Variants in CAMTA1 observed in about 807,000 individuals in gnomAD.
The protein encoded by CAMTA1 is calmodulin binding transcription activator 1.
CAMTA1 carries 27 observed loss-of-function variants against 170.9 expected under a neutral mutation model. The observed-to-expected ratio is 0.16, with a 90% confidence interval of 0.12 to 0.22. CAMTA1 has a LOEUF of 0.22. Ranked by LOEUF, CAMTA1 falls within the 10% of genes least tolerant of loss-of-function variation. The pLI is 1.00. For missense variants in CAMTA1, 1,619 were observed against 2,217.2 expected, an observed-to-expected ratio of 0.73 and a Z score of 5.42; for synonymous variants, 833 against 891.5, an observed-to-expected ratio of 0.93 and a Z score of 1.17.
At chr1:7,142,734 C>T (rs1381202146) in intron 4 of CAMTA1, among the ~76,000 whole-genome samples, 1 of 152,324 alleles carries the variant, frequency 6.6e-6, no homozygotes, top group East Asian at 1.9e-4. Context: ...TGAATGGGAG[C>T]AGCCTGAGGC....
Position 7,576,299 on chromosome 1 carries a change from C to T in CAMTA1, c.511-64101C>T, listed in dbSNP as rs1472708688. Among the ~76,000 whole-genome samples the T allele has an allele frequency of 5.3e-5, 8 of 152,160 alleles. No homozygotes were observed. In the South Asian group the frequency reaches 1.2e-3, roughly 24 times the overall value. On this transcript the variant is annotated intron_variant, in intron 6 of 22. Coordinates refer to ENST00000303635, the MANE Select transcript of CAMTA1 (RefSeq NM_015215.4). ...TGCTGGGATTACAGGCGTGAACCAC[C>T]GTGCCAGGCCAATTAAGGGCCTTCC...
At chr1:7,579,552 CTT>C (rs3034816) in intron 6 of CAMTA1, among the ~76,000 whole-genome samples, 15 of 79,196 alleles carry the variant, frequency 1.9e-4, no homozygotes, top group Middle Eastern at 0.016. Context: ...CTTTTCTTTT[CTT>C]TTTTTTTTTT....
intron 4 of CAMTA1, among the ~76,000 whole-genome samples, chr1:7,138,812 T>C (rs1414010851): frequency 6.6e-6 from 1 of 151,966 alleles, no homozygotes; most frequent in African/African-American, 2.4e-5. Flanking sequence ...CTGGCCAACA[T>C]GGTGAAACCC....
At position 7,736,440 on chromosome 1, in the gene CAMTA1, A is replaced by C. The variant is rs1319474245; in HGVS notation, c.3163A>C (p.Lys1055Gln). Residue 1055 changes from lysine (K) to glutamine (Q), a missense_variant, in exon 13 of 23, where the codon AAG becomes CAG. Coordinates refer to ENST00000303635, the MANE Select transcript of CAMTA1 (RefSeq NM_015215.4). The surrounding 1 kb of genome is among the most constrained non-coding windows in gnomAD (Gnocchi z 4.5). The part of the protein sequence containing the change: ...MMSRACWAKS[K>Q]HLIHSKTFRG... The stretch of plus-strand genomic sequence containing the variant: ...GAGCCGAGCCTGCTGGGCGAAGTCC[A>C]AGCACTTGATCCACTCAAAGACTTT... The C allele has an allele frequency of 4.3e-6, 7 of 1,613,938 alleles. No homozygotes were observed. Among genetic ancestry groups the C allele is most frequent in the Non-Finnish European group, 5.9e-6 (7 of 1,180,000 alleles).
At chr1:7,746,371 T>G (rs1322831567) in intron 18 of CAMTA1, among the ~76,000 whole-genome samples, 1 of 152,244 alleles carries the variant, frequency 6.6e-6, no homozygotes, top group Non-Finnish European at 1.5e-5. Context: ...ATATTCACAG[T>G]GCTGTGCAAC....
rs928812622 is a variant in CAMTA1, at chr1:7,624,906, G to A, written c.511-15494G>A. On this transcript the variant is annotated intron_variant, in intron 6 of 22. Coordinates refer to ENST00000303635, the MANE Select transcript of CAMTA1 (RefSeq NM_015215.4). ...TGGTTGGAAGGATAAAGGGAGGCTG[G>A]AAGGACAGTGTGACGTTGGATCTGG... Among the ~76,000 whole-genome samples the A allele has an allele frequency of 1.7e-4, 26 of 152,216 alleles. 1 individual carries two copies. Among genetic ancestry groups the A allele is most frequent in the Non-Finnish European group, 7.3e-5 (5 of 68,036 alleles).
intron 5 of CAMTA1, among the ~76,000 whole-genome samples, chr1:7,318,454 G>C (rs1200136493): frequency 6.6e-6 from 1 of 152,146 alleles, no homozygotes; most frequent in East Asian, 1.9e-4. Flanking sequence ...ATTTTCAGGG[G>C]ATATTTACAA....
chr1:6,963,638 C>A (rs551517907), intron 3 of CAMTA1, among the ~76,000 whole-genome samples: 1 of 152,288 alleles, frequency 6.6e-6, no homozygotes, highest in African/African-American at 2.4e-5. Context: ...TCGGGCAAGG[C>A]GGCGCCTCAA....
chr1:7,533,510 C>G (rs2094515047), intron 6 of CAMTA1, among the ~76,000 whole-genome samples: 1 of 152,226 alleles, frequency 6.6e-6, no homozygotes, highest in Non-Finnish European at 1.5e-5. Flanking sequence ...GGTGTCCCTG[C>G]AGCAGGAAGC....
chr1:7,042,412 G>T (rs1558013128), intron 3 of CAMTA1, among the ~76,000 whole-genome samples: 1 of 152,174 alleles, frequency 6.6e-6, no homozygotes, highest in African/African-American at 2.4e-5. Flanking sequence ...GGGGAAAGGA[G>T]CCCAGTTTCC....
chr1:7,086,943 A>G (rs558585374), intron 3 of CAMTA1, among the ~76,000 whole-genome samples: 3 of 152,286 alleles, frequency 2.0e-5, no homozygotes, highest in South Asian at 4.1e-4. Flanking sequence ...CCAGCCTCCT[A>G]TGAATCTTTC....
chr1:7,460,128 G>A (rs556827163), intron 5 of CAMTA1, among the ~76,000 whole-genome samples: 8 of 152,366 alleles, frequency 5.3e-5, no homozygotes, highest in East Asian at 3.9e-4. Flanking sequence ...TCATGCACTC[G>A]GCCCCTGCAG....
At chr1:6,793,796 G>T (rs1409505653) in intron 1 of CAMTA1, among the ~76,000 whole-genome samples, 3 of 152,082 alleles carry the variant, frequency 2.0e-5, no homozygotes, top group African/African-American at 7.2e-5. Flanking sequence ...GATTTAGATT[G>T]CCAGGAGTCA....
chr1:6,874,870 AG>A (rs1238327851), intron 3 of CAMTA1, among the ~76,000 whole-genome samples: 1 of 152,112 alleles, frequency 6.6e-6, no homozygotes, highest in Non-Finnish European at 1.5e-5. Context: ...GCTTTGAAGG[AG>A]TCAGAAGTGT....
At chr1:6,844,663 G>C (rs938885668) in intron 3 of CAMTA1, among the ~76,000 whole-genome samples, 1 of 144,162 alleles carries the variant, frequency 6.9e-6, no homozygotes, top group Non-Finnish European at 1.5e-5. Flanking sequence ...TCCAGCTTGG[G>C]TGACAGAGTG....
At position 7,738,076 on chromosome 1, in the gene CAMTA1, A is replaced by G; in HGVS notation, c.3776A>G (p.Lys1259Arg). 8 of 1,614,210 alleles carry G rather than the reference A, an allele frequency of 5.0e-6. No individual in the cohort carries two copies. Among genetic ancestry groups the G allele is most frequent in the Non-Finnish European group, 6.8e-6 (8 of 1,180,046 alleles). Reference sequence around the variant, plus strand: ...GAGTACTTCCAGACAAGGCAGGAGAAGCTGCTTCCCACTGCACTGAGTCTG... The same window carrying G: ...GAGTACTTCCAGACAAGGCAGGAGAGGCTGCTTCCCACTGCACTGAGTCTG... ...NPEYFQTRQE[K>R]LLPTALSLEE... The change falls in exon 16 of 23, where the codon AAG becomes AGG. Residue 1259 changes from lysine (K) to arginine (R), a missense_variant. By Grantham distance (26) the Lys-to-Arg change is conservative (BLOSUM62 2). This residue lies in a region of CAMTA1 where 370 missense variants were observed against 429.4 expected (regional missense o/e 0.86). Coordinates refer to ENST00000303635, the MANE Select transcript of CAMTA1 (RefSeq NM_015215.4). This position sits in a 1 kb window ranked among gnomAD's most constrained non-coding sequence, Gnocchi z 4.9.
chr1:6,881,577 T>C (rs1390925665), intron 3 of CAMTA1, among the ~76,000 whole-genome samples: 66 of 152,224 alleles, frequency 4.3e-4, no homozygotes, highest in Admixed American at 4.3e-3. Context: ...AGTAGTGTCC[T>C]GTGCAGCCCC....
intron 1 of CAMTA1, among the ~76,000 whole-genome samples, chr1:6,799,885 T>G (rs1643478935): frequency 6.6e-6 from 1 of 152,146 alleles, no homozygotes. Context: ...TGTAAGGAAA[T>G]GAAGTCGGAG....
intron 3 of CAMTA1, among the ~76,000 whole-genome samples, chr1:6,957,776 C>T (rs1235738317): frequency 2.0e-5 from 3 of 151,762 alleles, no homozygotes; most frequent in Non-Finnish European, 4.4e-5. Context: ...AGTATATTCA[C>T]AGGTTTTGAG....
Sources: allele counts gnomAD v4.1 joint callset (sites outside exome capture counted in the v4.1 genomes callset), GRCh38; gene constraint gnomAD v4.1.1; regional missense constraint gnomAD v4.1.1; non-coding constraint Gnocchi (gnomAD v3.1); transcripts MANE v1.5; gene names NCBI Gene and HGNC (gene_info 2026-07-23, HGNC 2026-07-21).